SPATC1: variants seen among roughly 807,000 people sequenced by gnomAD.
SPATC1 encodes speriolin.
In SPATC1, 35 loss-of-function variants were observed where a neutral mutation model predicts 36.5. The ratio of observed to expected loss-of-function variants is 0.96; its 90% CI spans 0.73 to 1.27. The LOEUF is 1.27. Ranked by LOEUF, SPATC1 falls within the 50% of genes most tolerant of loss-of-function variation. The probability of loss-of-function intolerance (pLI) is 0.00; values close to 1 mark genes in which losing one functional copy is unlikely to be tolerated. For synonymous variants in SPATC1, 361 were observed against 353.6 expected (o/e 1.02, Z -0.24); for missense variants, 779 against 796.0 (o/e 0.98, Z 0.26).
In SPATC1 at chr8:144,046,500, C is replaced by A; in HGVS notation, c.1447-127C>A. On this transcript the variant is annotated intron_variant, in intron 4 of 4. Transcript: ENST00000377470. The surrounding 1 kb of genome is among the most constrained non-coding windows in gnomAD (Gnocchi z 6.6). ...TAGATTCTTGAGGTCTGTCGCAGAA[C>A]CTCCCCACCGCACACCCCTCGGATC... The A allele has an allele frequency of 1.2e-6, 1 of 856,478 alleles. No individual in the cohort carries two copies. Among genetic ancestry groups the A allele is most frequent in the Admixed American group, 2.6e-5 (1 of 38,848 alleles). The allele number at this position is 856,478 out of a possible 1,614,324, so 53.1% of individuals were successfully genotyped here. A position where few individuals can be genotyped will look rare whatever the true frequency, so the allele number is the denominator to read the frequency against.
At chr8:144,023,853 A>G (rs1383807639) in intron 1 of SPATC1, among the ~76,000 whole-genome samples, 1 of 137,572 alleles carries the variant, frequency 7.3e-6, no homozygotes, top group African/African-American at 2.8e-5. Flanking sequence ...CGCCCTGAGG[A>G]CACTCTCTCT....
intron 1 of SPATC1, among the ~76,000 whole-genome samples, chr8:144,025,832 G>A (rs1834666717): frequency 6.6e-6 from 1 of 151,814 alleles, no homozygotes; most frequent in Non-Finnish European, 1.5e-5. Context: ...TGCCTCCCAG[G>A]TGTGCACTAG....
chr8:144,035,238 T>C (rs1483744703), intron 1 of SPATC1, among the ~76,000 whole-genome samples: 1 of 152,212 alleles, frequency 6.6e-6, no homozygotes. Context: ...GTCTCTGATC[T>C]GTACTTGGCC....
At chr8:144,033,772 G>T (rs1834844576) in intron 1 of SPATC1, among the ~76,000 whole-genome samples, 1 of 152,206 alleles carries the variant, frequency 6.6e-6, no homozygotes, top group African/African-American at 2.4e-5. Context: ...CTCATGTGGG[G>T]TTTGGTTTTA....
intron 1 of SPATC1, among the ~76,000 whole-genome samples, chr8:144,034,465 C>T: frequency 6.6e-6 from 1 of 150,524 alleles, no homozygotes; most frequent in Non-Finnish European, 1.5e-5. Flanking sequence ...AAAATACATA[C>T]TCATATTGTG....
intron 1 of SPATC1, among the ~76,000 whole-genome samples, chr8:144,037,161 C>T (rs1368994300): frequency 2.3e-5 from 3 of 130,378 alleles, no homozygotes; most frequent in Non-Finnish European, 3.2e-5. Flanking sequence ...GTCAGCCCCC[C>T]ACCCAGCCGG....
At chr8:144,011,953 A>T (rs1834288330), upstream of SPATC1, among the ~76,000 whole-genome samples, 1 of 152,154 alleles carries the variant, frequency 6.6e-6, no homozygotes, top group South Asian at 2.1e-4. The surrounding 1 kb of genome is among the most constrained non-coding windows in gnomAD (Gnocchi z 4.5). Context: ...CATGTTCAAG[A>T]TCACCAAGAA....
chr8:144,030,274 T>G (rs1834768006), intron 1 of SPATC1, among the ~76,000 whole-genome samples: 1 of 152,232 alleles, frequency 6.6e-6, no homozygotes, highest in African/African-American at 2.4e-5. Context: ...GCCAATCTCT[T>G]ACCTTTTGAC....
intron 1 of SPATC1, among the ~76,000 whole-genome samples, chr8:144,031,455 T>TG (rs1303173487): frequency 2.2e-5 from 2 of 88,914 alleles, no homozygotes; most frequent in Non-Finnish European, 5.3e-5. Context: ...TTTTTCTTTT[T>TG]TTTTTTTTTT....
At chr8:144,030,162 A>G (rs1052634193) in intron 1 of SPATC1, among the ~76,000 whole-genome samples, 8,812 of 152,126 alleles carry the variant, frequency 0.058, 313 homozygotes, top group Non-Finnish European at 0.078. Flanking sequence ...TTACCCCTTC[A>G]CTTTCAATCT....
At position 144,040,676 on chromosome 8, in the gene SPATC1, C is replaced by T. The variant is rs147284549; in HGVS notation, c.875C>T (p.Thr292Ile). 0.017 allele frequency: 27,833 copies of T among 1,613,770 alleles called. 316 individuals carry two copies. Among genetic ancestry groups the T allele is most frequent in the South Asian group, 0.028 (2,575 of 91,056 alleles). The change falls in exon 3 of 5, where the codon ACA becomes ATA. Residue 292 changes from threonine (T) to isoleucine (I), a missense_variant. Coordinates refer to ENST00000377470, the MANE Select transcript of SPATC1 (RefSeq NM_198572.3). Reference protein sequence around the residue: ...QTSTPIGAMGTPAPKTAFSFN... With the variant: ...QTSTPIGAMGIPAPKTAFSFN... ...TCCACCCCTATCGGAGCCATGGGCA[C>T]ACCTGCTCCCAAGACGGCCTTCTCC...
chr8:144,030,094 G>A (rs1056829237), intron 1 of SPATC1, among the ~76,000 whole-genome samples: 3 of 151,984 alleles, frequency 2.0e-5, no homozygotes, highest in Admixed American at 6.6e-5. Context: ...TATTTTGTCC[G>A]ATATCAGTAT....
At position 144,045,024 on chromosome 8, in the gene SPATC1, G is replaced by A. The variant is rs1317556014; in HGVS notation, c.1447-1603G>A. ...GCCATCCCCCAAGGTGGGGGCCCCT[G>A]CGTGCCCTGGTGCTCAGTGCTCACT... On this transcript the variant is annotated intron_variant, in intron 4 of 4. Transcript: ENST00000377470. The surrounding 1 kb of genome is among the most constrained non-coding windows in gnomAD (Gnocchi z 5.2). Among the ~76,000 whole-genome samples the A allele has an allele frequency of 1.3e-5, 2 of 152,266 alleles. No individual in the cohort carries two copies. The highest frequency in any genetic ancestry group is 4.8e-5 in the African/African-American group (2 of 41,474).
In SPATC1 at chr8:144,041,484, T is replaced by G. The variant is rs1554756088; in HGVS notation, c.1446+113T>G. Reference sequence around the variant, plus strand: ...GCCAGGACCTGAGGAGTCCCTGGGATAGAGGAAGCTGACTGCTCAGTGCCA... The same window carrying G: ...GCCAGGACCTGAGGAGTCCCTGGGAGAGAGGAAGCTGACTGCTCAGTGCCA... On this transcript the variant is annotated intron_variant, in intron 4 of 4. Transcript: ENST00000377470. The G allele has an allele frequency of 2.9e-6, 4 of 1,362,100 alleles. 1 individual carries two copies. In the South Asian group the frequency reaches 5.6e-5, roughly 19 times the overall value. The allele number at this position is 1,362,100 out of a possible 1,614,324, so 84.4% of individuals were successfully genotyped here.
chr8:144,032,825 C>T (rs963264419), intron 1 of SPATC1, among the ~76,000 whole-genome samples: 86 of 152,230 alleles, frequency 5.6e-4, no homozygotes, highest in Non-Finnish European at 1.2e-3. Context: ...CACTGATGCA[C>T]AGAGTGGGAG....
chr8:144,037,112 C>T (rs1474227063), intron 1 of SPATC1, among the ~76,000 whole-genome samples: 2 of 130,888 alleles, frequency 1.5e-5, no homozygotes, highest in South Asian at 3.0e-4. Context: ...GGCTGACCCC[C>T]GCCCGGCAAG....
intron 1 of SPATC1, among the ~76,000 whole-genome samples, chr8:144,038,065 C>CT (rs1217115842): frequency 1.3e-5 from 2 of 150,504 alleles, no homozygotes; most frequent in Non-Finnish European, 3.0e-5. Context: ...GGGGCGGAGC[C>CT]TTCAGTGAGC....
chr8:144,039,971 A>G lies in SPATC1; in HGVS notation c.274A>G (p.Met92Val). The change falls in exon 2 of 5, where the codon ATG (methionine) becomes GTG (valine). Residue 92 changes from methionine to valine, a missense_variant. Physicochemically the swap from Met to Val is conservative, Grantham distance 21 (BLOSUM62 1). Transcript: ENST00000377470. ...ACGAGTCCTCGAAGAAGTGGGGATC[A>G]TGGCCTTGGCACCCCTGGCCGAGAT... ...NERVLEEVGIMALAPLAEMLT... is the reference protein window; with the variant it reads ...NERVLEEVGIVALAPLAEMLT... 1.2e-6 allele frequency: 2 copies of G among 1,613,918 alleles called. No individual in the cohort carries two copies. Among genetic ancestry groups the G allele is most frequent in the East Asian group, 2.2e-5 (1 of 44,874 alleles).
At chr8:144,042,990 A>ATTT (rs1287009285) in intron 4 of SPATC1, among the ~76,000 whole-genome samples, 1 of 118,046 alleles carries the variant, frequency 8.5e-6, no homozygotes, top group Non-Finnish European at 1.8e-5. Flanking sequence ...ACACCTGGCT[A>ATTT]TTTTTTTTTT....
Sources: allele counts gnomAD v4.1 joint callset (sites outside exome capture counted in the v4.1 genomes callset), GRCh38; gene constraint gnomAD v4.1.1; non-coding constraint Gnocchi (gnomAD v3.1); transcripts MANE v1.5; gene names NCBI Gene and HGNC (gene_info 2026-07-23, HGNC 2026-07-21).